The following APPBP2 variants were observed in gnomAD, a reference collection of about 807,000 sequenced individuals.
The protein encoded by APPBP2 is amyloid beta precursor protein binding protein 2, also known as amyloid protein-binding protein 2.
In APPBP2, 15 loss-of-function variants were observed where a neutral mutation model predicts 76.0. The ratio of observed to expected loss-of-function variants is 0.20; its 90% confidence interval spans 0.13 to 0.30. APPBP2 has a LOEUF of 0.30. Among genes scored for constraint, APPBP2 ranks in the 10% least tolerant of loss-of-function variants. The probability of loss-of-function intolerance (pLI) is 1.00; values close to 1 mark genes in which losing one functional copy is unlikely to be tolerated. For synonymous variants in APPBP2, 222 were observed against 242.2 expected (o/e 0.92, Z 0.77); for missense variants, 401 against 687.2 (o/e 0.58, Z 4.66).
At chr17:60,512,691 C>A (rs913935919) in intron 1 of APPBP2, among the ~76,000 whole-genome samples, 1 of 151,280 alleles carries the variant, frequency 6.6e-6, no homozygotes, top group East Asian at 2.0e-4. Context: ...AAAAAATAGT[C>A]GGGTGTGATG....
At chr17:60,489,151 G>A (rs911809817) in intron 3 of APPBP2, among the ~76,000 whole-genome samples, 2 of 151,986 alleles carry the variant, frequency 1.3e-5, no homozygotes, top group African/African-American at 2.4e-5. Flanking sequence ...GAACCCGGGA[G>A]GAGGAGGTTG....
chr17:60,524,348 C>G (rs1040583710), intron 1 of APPBP2, among the ~76,000 whole-genome samples: 1 of 152,082 alleles, frequency 6.6e-6, no homozygotes, highest in African/African-American at 2.4e-5. Context: ...GTTTCCCAGG[C>G]TGAGAAAGAC....
chr17:60,484,671 CAG>C (rs1415232109), intron 3 of APPBP2, among the ~76,000 whole-genome samples: 2 of 152,132 alleles, frequency 1.3e-5, no homozygotes, highest in African/African-American at 2.4e-5. Context: ...CATCTGCAAA[CAG>C]GGACAATTTG....
intron 1 of APPBP2, among the ~76,000 whole-genome samples, chr17:60,516,801 T>C (rs1236901700): frequency 1.3e-5 from 2 of 152,204 alleles, no homozygotes; most frequent in Non-Finnish European, 2.9e-5. Flanking sequence ...CCATTAACAA[T>C]GTATGAGAGT....
chr17:60,474,027 G>A (rs1352503423), intron 4 of APPBP2, among the ~76,000 whole-genome samples: 1 of 152,108 alleles, frequency 6.6e-6, no homozygotes, highest in Admixed American at 6.6e-5. Context: ...CCTATGGCAA[G>A]CAGATATCCA....
At chr17:60,499,643 C>T (rs1053764188) in intron 2 of APPBP2, among the ~76,000 whole-genome samples, 1 of 152,034 alleles carries the variant, frequency 6.6e-6, no homozygotes, top group Non-Finnish European at 1.5e-5. Context: ...TTCACACTAG[C>T]CAAAAGGTAG....
intron 1 of APPBP2, among the ~76,000 whole-genome samples, chr17:60,518,377 GT>G (rs2090980855): frequency 6.8e-6 from 1 of 146,414 alleles, no homozygotes; most frequent in African/African-American, 2.6e-5. Context: ...GTGTGTGTGT[GT>G]GTGTGTGTGT....
intron 3 of APPBP2, among the ~76,000 whole-genome samples, chr17:60,487,759 T>G (rs1567931243): frequency 6.6e-6 from 1 of 152,248 alleles, no homozygotes; most frequent in Non-Finnish European, 1.5e-5. Context: ...CTGCAATCCC[T>G]TGGAGGAGAA....
chr17:60,492,019 CT>C (rs987916616), intron 3 of APPBP2, among the ~76,000 whole-genome samples: 10 of 152,180 alleles, frequency 6.6e-5, no homozygotes, highest in Admixed American at 6.5e-4. Context: ...GGCCCCCCTG[CT>C]GTGTGCAGAC....
chr17:60,517,212 G>A (rs1467821026), intron 1 of APPBP2, among the ~76,000 whole-genome samples: 1 of 152,042 alleles, frequency 6.6e-6, no homozygotes, highest in African/African-American at 2.4e-5. Flanking sequence ...CCTGACCTCA[G>A]GTGATCCCCT....
intron 3 of APPBP2, among the ~76,000 whole-genome samples, chr17:60,481,134 C>T (rs1291505691): frequency 1.3e-5 from 2 of 152,186 alleles, no homozygotes; most frequent in African/African-American, 4.8e-5. Flanking sequence ...AGTATCCCAG[C>T]TTCATGGGGC....
At chr17:60,505,504 A>T (rs1305898266) in intron 1 of APPBP2, among the ~76,000 whole-genome samples, 1 of 150,788 alleles carries the variant, frequency 6.6e-6, no homozygotes, top group African/African-American at 2.4e-5. Context: ...TTTAGTAGAG[A>T]CGGGGCTTCA....
At chr17:60,504,080 A>G (rs1390754201) in intron 1 of APPBP2, among the ~76,000 whole-genome samples, 1 of 152,238 alleles carries the variant, frequency 6.6e-6, no homozygotes, top group African/African-American at 2.4e-5. Context: ...AGAGCTTAGA[A>G]GAGAGGAAAC....
chr17:60,461,556 A>G, intron 8 of APPBP2: 1 of 352,650 alleles, frequency 2.8e-6, no homozygotes, highest in Non-Finnish European at 5.1e-6. Context: ...ACATGGGTAA[A>G]TAAAAAATGG....
intron 11 of APPBP2, among the ~76,000 whole-genome samples, chr17:60,453,480 C>T (rs766708274): frequency 2.0e-5 from 3 of 151,400 alleles, no homozygotes; most frequent in African/African-American, 4.9e-5. Context: ...CCACTGAGCC[C>T]GGCCTCATAT....
Position 60,516,448 on chromosome 17 carries a change from G to GT in APPBP2, c.138+9345dup, listed in dbSNP as rs139079401. Among the ~76,000 whole-genome samples, 906 of 152,286 alleles carry GT rather than the reference G, an allele frequency of 5.9e-3. 11 individuals are homozygous for GT. The highest frequency in any genetic ancestry group is 0.02 in the African/African-American group (850 of 41,578). ...GGCCTGGGGTTGCCATGAACCAAGG[G>GT]TTATAAAGGGAGAAAGTTTAGGAAC... On this transcript the variant is annotated intron_variant, in intron 1 of 12. Transcript: ENST00000083182.
intron 11 of APPBP2, among the ~76,000 whole-genome samples, chr17:60,452,491 C>A (rs991606583): frequency 6.6e-6 from 1 of 152,194 alleles, no homozygotes; most frequent in South Asian, 2.1e-4. Context: ...CATACACTTT[C>A]ATTTCATTTT....
chr17:60,496,832 T>C (rs1181107513), intron 2 of APPBP2, among the ~76,000 whole-genome samples: 1 of 152,178 alleles, frequency 6.6e-6, no homozygotes, highest in Non-Finnish European at 1.5e-5. Flanking sequence ...GTGATTCTCC[T>C]GCCTCAGCCT....
At chr17:60,479,077 A>C in intron 4 of APPBP2, 71 bp downstream of exon 4, 1 of 1,464,832 alleles carries the variant, frequency 6.8e-7, no homozygotes, top group South Asian at 1.3e-5. Context: ...GCATATACTT[A>C]TAAGAGCTAA....
Sources: allele counts gnomAD v4.1 joint callset (sites outside exome capture counted in the v4.1 genomes callset), GRCh38; gene constraint gnomAD v4.1.1; transcripts MANE v1.5; gene names NCBI Gene and HGNC (gene_info 2026-07-23, HGNC 2026-07-21).